The following CD8A variants were observed in gnomAD, a reference collection of about 807,000 sequenced individuals.
CD8A encodes the protein CD8 subunit alpha.
In CD8A, 25 loss-of-function variants were observed where a neutral mutation model predicts 24.2. The observed-to-expected ratio is 1.03, with a 90% CI of 0.75 to 1.44. CD8A has a LOEUF of 1.44. Ranked by LOEUF, CD8A falls within the 40% of genes most tolerant of loss-of-function variation. CD8A has a pLI of 0.00. For missense variants in CD8A, 360 were observed against 319.7 expected, an observed-to-expected ratio of 1.13 and a Z score of -0.96; for synonymous variants, 165 against 149.9, an observed-to-expected ratio of 1.10 and a Z score of -0.74.
At chr2:86,791,906 C>T (rs1476994800), upstream of CD8A, among the ~76,000 whole-genome samples, 5 of 152,192 alleles carry the variant, frequency 3.3e-5, no homozygotes, top group Non-Finnish European at 7.3e-5. Context: ...ATTTGGACCT[C>T]ATTTCTTTCA....
At chr2:86,790,915 C>G, upstream of CD8A, 1 of 1,263,742 alleles carries the variant, frequency 7.9e-7, no homozygotes. Flanking sequence ...GGGAAAGTTG[C>G]GCCCTTCGGC....
rs747233306 is a variant in CD8A, at chr2:86,785,925, CG to C, written c.702del (p.Tyr234Ter). 3.7e-6 allele frequency: 6 copies of C among 1,611,882 alleles called. No homozygotes were observed. The highest frequency in any genetic ancestry group is 4.5e-5 in the East Asian group (2 of 44,884). On this transcript the variant is annotated frameshift_variant, in exon 6 of 6. Coordinates refer to ENST00000283635, the MANE Select transcript of CD8A (RefSeq NM_001768.7). LOFTEE classifies it high-confidence loss of function. ...SGDKPSLSAR[Y>X]V is the part of the protein sequence containing the mutation. ...GTAGTGGCTGTTGCACAGGGTTAGA[CG>C]TATCTCGCCGAAAGGCTGGGCTTGT...
intron 3 of CD8A, among the ~76,000 whole-genome samples, chr2:86,801,338 TTCCCTTTC>T (rs1288760542): frequency 6.6e-6 from 1 of 151,706 alleles, no homozygotes; most frequent in Non-Finnish European, 1.5e-5. Context: ...CTCTCTCTTT[TTCCCTTTC>T]TCCCTTTCTC....
At chr2:86,792,135 A>T (rs578176795), upstream of CD8A, among the ~76,000 whole-genome samples, 10 of 152,314 alleles carry the variant, frequency 6.6e-5, no homozygotes, top group African/African-American at 2.2e-4. Context: ...CAGCCCCCTG[A>T]GTAGCTGGGA....
chr2:86,789,240 C>A (rs1392608060), intron 4 of CD8A, 83 bp downstream of exon 4: 3 of 909,502 alleles, frequency 3.3e-6, no homozygotes, highest in East Asian at 2.4e-5. Context: ...CAAGCTCCCC[C>A]CTCGCAAGGT....
chr2:86,786,309 G>GT (rs948570515), intron 5 of CD8A, among the ~76,000 whole-genome samples: 1 of 152,238 alleles, frequency 6.6e-6, no homozygotes, highest in Non-Finnish European at 1.5e-5. Flanking sequence ...CCACAGAGGT[G>GT]TGAGAGTGAG....
chr2:86,792,355 G>A (rs369775354), upstream of CD8A, among the ~76,000 whole-genome samples: 65 of 152,274 alleles, frequency 4.3e-4, 1 homozygote, highest in African/African-American at 1.5e-3. Flanking sequence ...AGTTCTGCTG[G>A]GCGAGGACCA....
intron 2 of CD8A, among the ~76,000 whole-genome samples, chr2:86,790,024 G>C (rs1369148693): frequency 6.6e-6 from 1 of 152,240 alleles, no homozygotes; most frequent in Non-Finnish European, 1.5e-5. Context: ...CAACCCTGGA[G>C]CGCGGGTTGA....
intron 4 of CD8A, 94 bp from the exon 5 acceptor site, chr2:86,788,654 T>G: frequency 8.3e-7 from 1 of 1,206,358 alleles, no homozygotes; most frequent in Non-Finnish European, 1.2e-6. Flanking sequence ...TTGTTGTTGC[T>G]GCTGTTTTTT....
chr2:86,797,922 A>C (rs1224339298), intron 3 of CD8A, among the ~76,000 whole-genome samples: 1 of 152,304 alleles, frequency 6.6e-6, no homozygotes, highest in African/African-American at 2.4e-5. Context: ...TAATCTGTTA[A>C]CCTTTCCTAT....
chr2:86,796,668 A>G (rs1157378311), intron 3 of CD8A, among the ~76,000 whole-genome samples: 1 of 152,248 alleles, frequency 6.6e-6, no homozygotes, highest in Non-Finnish European at 1.5e-5. Context: ...TTGAATAAAC[A>G]TATAAATTGA....
chr2:86,788,012 C>G (rs1344820838), intron 5 of CD8A, among the ~76,000 whole-genome samples: 1 of 151,950 alleles, frequency 6.6e-6, no homozygotes, highest in Non-Finnish European at 1.5e-5. Context: ...TTTTTCTACT[C>G]CAGTCCTTGG....
At position 86,802,162 on chromosome 2, in the gene CD8A, CT is replaced by C. The variant is rs370063526; in HGVS notation, c.-417-506del. 2.9e-3 allele frequency among the ~76,000 whole-genome samples: 435 copies of C among 152,132 alleles called. 2 individuals carry two copies. The highest frequency in any genetic ancestry group is 9.6e-3 in the African/African-American group (399 of 41,484). ...AAGTGAGTCTCTTGCTTCAGCCTCC[CT>C]AGTAGCTGGGATTACAGGCACCCGC... On this transcript the variant is annotated intron_variant, in intron 2 of 8. Transcript: ENST00000409511.
At chr2:86,791,232 T>G (rs1573462970), upstream of CD8A, 3 of 395,022 alleles carry the variant, frequency 7.6e-6, no homozygotes, top group Non-Finnish European at 9.7e-6. Context: ...AGGAGGGGAG[T>G]GTCCCTTCCT....
chr2:86,795,833 G>A (rs11898171), upstream of CD8A, among the ~76,000 whole-genome samples: 14,646 of 152,088 alleles, frequency 0.096, 2,183 homozygotes, highest in African/African-American at 0.32. Flanking sequence ...CTCAGGAAAA[G>A]AGAGAGTAAA....
Position 86,785,086 on chromosome 2 carries a change from A to G in CD8A, c.*834T>C, listed in dbSNP as rs1289643397. On this transcript the variant is annotated 3_prime_UTR_variant, in exon 6 of 6. Transcript: ENST00000283635. ...CCTTAGTTTAACCTCACTGATGCTC[A>G]AATTCTATTTGTAAAGGGGTAGCCT... 4.4e-6 allele frequency: 2 copies of G among 453,976 alleles called. No homozygotes were observed. The highest frequency in any genetic ancestry group is 2.0e-5 in the African/African-American group (1 of 49,978). The allele number at this position is 453,976 out of a possible 1,614,324, so 28.1% of individuals were successfully genotyped here. A position where few individuals can be genotyped will look rare whatever the true frequency, so the allele number is the denominator to read the frequency against.
intron 3 of CD8A, among the ~76,000 whole-genome samples, chr2:86,798,060 T>C (rs1673539004): frequency 6.6e-6 from 1 of 152,262 alleles, no homozygotes; most frequent in Non-Finnish European, 1.5e-5. Context: ...CATTTAGAAT[T>C]GTGCCTTCTG....
At chr2:86,804,810 T>C (rs1047507446) in intron 2 of CD8A, among the ~76,000 whole-genome samples, 4 of 144,078 alleles carry the variant, frequency 2.8e-5, no homozygotes, top group Admixed American at 6.9e-5. Context: ...TTTTTTTTTT[T>C]TTTTTTTTTT....
chr2:86,788,641 C>CTGT, intron 4 of CD8A, 81 bp from the exon 5 acceptor site: 2 of 1,327,744 alleles, frequency 1.5e-6, no homozygotes, highest in Admixed American at 1.8e-5. Context: ...TTTGTTGTTG[C>CTGT]TGTTGTTGTT....
Sources: gnomAD v4.1 joint callset for allele counts (sites outside exome capture counted in the v4.1 genomes callset) on GRCh38, gnomAD v4.1.1 for gene constraint, MANE v1.5 for transcripts, NCBI Gene and HGNC (gene_info 2026-07-23, HGNC 2026-07-21) for gene names.